HS1BP3: variants seen among roughly 807,000 people sequenced by gnomAD.
HS1BP3 encodes the protein HCLS1-binding protein 3.
A neutral mutation model predicts 33.5 loss-of-function variants in HS1BP3; 32 were observed. The observed-to-expected ratio is 0.95, with a 90% CI of 0.72 to 1.28. HS1BP3 has a LOEUF of 1.28. Among genes scored for constraint, HS1BP3 ranks in the 50% most tolerant of loss-of-function variants. The pLI, the probability that HS1BP3 is intolerant of heterozygous loss-of-function variation, is 0.00. For missense variants in HS1BP3, 486 were observed against 502.3 expected (o/e 0.97, Z 0.31); for synonymous variants, 187 against 209.2 (o/e 0.89, Z 0.92).
chr2:20,614,955 G>A (rs6728166), downstream of HS1BP3, among the ~76,000 whole-genome samples: 27,994 of 152,246 alleles, frequency 0.18, 2,784 homozygotes, highest in Middle Eastern at 0.22. Flanking sequence ...TCTGTGTACC[G>A]CGTGGGATTC....
At chr2:20,608,167 A>G (rs1460327640) in intron 2 of HS1BP3, among the ~76,000 whole-genome samples, 1 of 152,152 alleles carries the variant, frequency 6.6e-6, no homozygotes, top group African/African-American at 2.4e-5. Flanking sequence ...TACATGTAAG[A>G]TCATGTCATC....
intron 2 of HS1BP3, chr2:20,598,308 T>C (rs775410278): frequency 5.4e-6 from 2 of 373,470 alleles, no homozygotes; most frequent in South Asian, 4.0e-5. Flanking sequence ...AGGCATTAGA[T>C]TCTCATAAGG....
intron 5 of HS1BP3, among the ~76,000 whole-genome samples, chr2:20,566,317 C>T (rs183421049): frequency 8.8e-4 from 134 of 152,376 alleles, no homozygotes; most frequent in Admixed American, 3.0e-3. Flanking sequence ...GACTCCTTCC[C>T]AGCTGAGTCT....
downstream of HS1BP3, among the ~76,000 whole-genome samples, chr2:20,589,105 C>G (rs1372480936): frequency 6.6e-6 from 1 of 152,206 alleles, no homozygotes; most frequent in Admixed American, 6.5e-5. Flanking sequence ...TAGCCTTGCC[C>G]TGGGGGCCAC....
At chr2:20,641,285 GC>G in intron 2 of HS1BP3, 105 bp from the exon 3 acceptor site, 1 of 997,618 alleles carries the variant, frequency 1.0e-6, no homozygotes, top group Non-Finnish European at 1.5e-6. Context: ...AAGGAAGTGT[GC>G]CAGGTACGCC....
Position 20,618,893 on chromosome 2 carries a change from T to C in HS1BP3, c.*94A>G. ...GCTTCTGCCTGGCCTCCCCTGGGGG[T>C]GGGGAGGTTCTGACCCTGCAGGGCC... On this transcript the variant is annotated 3_prime_UTR_variant, in exon 7 of 7. Coordinates refer to ENST00000304031, the MANE Select transcript of HS1BP3 (RefSeq NM_022460.4). 2 of 1,475,476 alleles carry C rather than the reference T, an allele frequency of 1.4e-6. No homozygotes were observed. The highest frequency in any genetic ancestry group is 4.8e-5 in the East Asian group (2 of 41,314). 91.4% of individuals were successfully genotyped at this position (1,475,476 alleles called of 1,614,324 possible). A position where few individuals can be genotyped will look rare whatever the true frequency, so the allele number is the denominator to read the frequency against.
At chr2:20,607,440 G>A (rs1018233121) in intron 2 of HS1BP3, among the ~76,000 whole-genome samples, 34 of 152,216 alleles carry the variant, frequency 2.2e-4, no homozygotes, top group African/African-American at 7.5e-4. Flanking sequence ...ACAGGCATGA[G>A]CCACCACACC....
chr2:20,623,721 C>T, intron 6 of HS1BP3, 175 bp downstream of exon 6: 1 of 667,694 alleles, frequency 1.5e-6, no homozygotes, highest in South Asian at 2.6e-5. Flanking sequence ...GATCCTCCCC[C>T]TCAGCCCCCT....
At chr2:20,594,135 C>G (rs1274179898) in intron 3 of HS1BP3, among the ~76,000 whole-genome samples, 1 of 152,234 alleles carries the variant, frequency 6.6e-6, no homozygotes, top group Non-Finnish European at 1.5e-5. Flanking sequence ...TCAGATGGCT[C>G]TGGCTGTGCC....
chr2:20,648,634 T>C (rs1695589532), intron 1 of HS1BP3, among the ~76,000 whole-genome samples: 1 of 152,200 alleles, frequency 6.6e-6, no homozygotes, highest in South Asian at 2.1e-4. Flanking sequence ...TTCCTCTCAC[T>C]GTACCCCTCC....
chr2:20,573,401 C>G lies in HS1BP3; in HGVS notation c.303-12886G>C, dbSNP rs545535184. Among the ~76,000 whole-genome samples, 3 of 152,170 alleles carry G rather than the reference C, an allele frequency of 2.0e-5. No homozygotes were observed. In the East Asian group the frequency reaches 5.8e-4, roughly 29 times the overall value. ...GGGGTCCTCTGTCTCCACCACAACC[C>G]GTGGTACTTTGAGTCTCTTTGTTAC... On this transcript the variant is annotated intron_variant, in intron 5 of 5. Coordinates refer to the HS1BP3 transcript ENST00000446825.
At chr2:20,613,525 G>A (rs1284664968), downstream of HS1BP3, among the ~76,000 whole-genome samples, 2 of 152,214 alleles carry the variant, frequency 1.3e-5, no homozygotes, top group African/African-American at 2.4e-5. Context: ...GCCGCTGCCC[G>A]CCTGCCAGCC....
chr2:20,554,637 G>A, the HS1BP3 span, among the ~76,000 whole-genome samples: 2 of 150,284 alleles, frequency 1.3e-5, no homozygotes, highest in African/African-American at 2.5e-5. Flanking sequence ...CAGGGGAATC[G>A]CTTGAACCCA....
At chr2:20,593,073 C>T (rs1693857135) in intron 3 of HS1BP3, among the ~76,000 whole-genome samples, 1 of 152,030 alleles carries the variant, frequency 6.6e-6, no homozygotes, top group African/African-American at 2.4e-5. Flanking sequence ...CACCCCTGAC[C>T]TCCAGCCCTG....
chr2:20,618,706 A>C lies in HS1BP3; in HGVS notation c.*281T>G. The C allele has an allele frequency of 8.1e-7, 1 of 1,232,308 alleles. No individual in the cohort carries two copies. The allele number at this position is 1,232,308 out of a possible 1,614,324, so 76.3% of individuals were successfully genotyped here. On this transcript the variant is annotated 3_prime_UTR_variant, in exon 7 of 7. Coordinates refer to ENST00000304031, the MANE Select transcript of HS1BP3 (RefSeq NM_022460.4). Reference sequence around the variant, plus strand: ...CTTGGGGCTGGGCTTCTGGTTGGCAAGGCATCCCCACACCCTCCCTCCCCT... The same window carrying C: ...CTTGGGGCTGGGCTTCTGGTTGGCACGGCATCCCCACACCCTCCCTCCCCT...
Position 20,611,460 on chromosome 2 carries a change from G to T in HS1BP3, c.178+12436C>A, listed in dbSNP as rs548404003. The stretch of plus-strand genomic sequence containing the variant: ...CTCTCTCCACTTGACCACATCGTGC[G>T]CAAAGTTCAGGGACCAGGAGAGGGA... On this transcript the variant is annotated intron_variant, in intron 2 of 3. Coordinates refer to the HS1BP3 transcript ENST00000415264. The surrounding 1 kb of genome is among the most constrained non-coding windows in gnomAD (Gnocchi z 4.9). 5.3e-5 allele frequency among the ~76,000 whole-genome samples: 8 copies of T among 152,184 alleles called. No homozygotes were observed. Among genetic ancestry groups the T allele is most frequent in the Non-Finnish European group, 1.5e-5 (1 of 68,030 alleles).
At chr2:20,557,469 T>G (rs575411321), downstream of HS1BP3, among the ~76,000 whole-genome samples, 1 of 152,328 alleles carries the variant, frequency 6.6e-6, no homozygotes, top group African/African-American at 2.4e-5. Context: ...TAGTCATTAG[T>G]TCAGTATAAT....
Position 20,623,954 on chromosome 2 carries a change from C to T in HS1BP3, c.862G>A (p.Glu288Lys), listed in dbSNP as rs774794763. The T allele has an allele frequency of 1.2e-5, 19 of 1,612,582 alleles. No homozygotes were observed. Among genetic ancestry groups the T allele is most frequent in the Non-Finnish European group, 1.5e-5 (18 of 1,179,926 alleles). Residue 288 changes from glutamate (E) to lysine (K), a missense_variant, in exon 6 of 7, where the codon GAG becomes AAG. Glu to Lys is a moderately conservative substitution (Grantham distance 56). Transcript: ENST00000304031. ...AGGCTGGGTGTGGGCCCTCCACTCT[C>T]ACAGGCGGCTGGCAGCAGGAGGGAG... ...GDSLLLPAAC[E>K]SGGPTPSLSH...
downstream of HS1BP3, among the ~76,000 whole-genome samples, chr2:20,555,449 C>T (rs1323557043): frequency 2.0e-5 from 3 of 152,130 alleles, no homozygotes; most frequent in Admixed American, 2.0e-4. Context: ...AGAGTAAGGC[C>T]CTGGGTAATG....
Sources: gnomAD v4.1 joint callset for allele counts (sites outside exome capture counted in the v4.1 genomes callset) on GRCh38, gnomAD v4.1.1 for gene constraint, Gnocchi (gnomAD v3.1) non-coding constraint, MANE v1.5 for transcripts, NCBI Gene and HGNC (gene_info 2026-07-23, HGNC 2026-07-21) for gene names.